FKBP1B: variants seen among roughly 807,000 people sequenced by gnomAD.
The protein encoded by FKBP1B is FKBP prolyl isomerase 1B.
Under a neutral mutation model 13.5 loss-of-function variants are expected in FKBP1B, and 4 were observed. The observed-to-expected ratio is 0.30, with a 90% confidence interval of 0.15 to 0.68. FKBP1B has a LOEUF of 0.68. Among genes scored for constraint, FKBP1B ranks in the 30% least tolerant of loss-of-function variants. The probability of loss-of-function intolerance (pLI) is 0.76; values close to 1 mark genes in which losing one functional copy is unlikely to be tolerated. For missense variants in FKBP1B, 93 were observed against 136.2 expected (o/e 0.68, Z 1.58); for synonymous variants, 54 against 53.6 (o/e 1.01, Z -0.03).
chr2:24,063,255 C>T lies in FKBP1B; in HGVS notation c.*63C>T. On this transcript the variant is annotated 3_prime_UTR_variant, in exon 4 of 4. Transcript: ENST00000380986. ...TGCTCACCCTCCTAGCCTGCTCTGC[C>T]ACTGGGACGGCTCCTGCTTTTGGGG... 2.0e-6 allele frequency: 3 copies of T among 1,465,938 alleles called. No homozygotes were observed. The highest frequency in any genetic ancestry group is 2.7e-6 in the Non-Finnish European group (3 of 1,098,570). 90.8% of individuals were successfully genotyped at this position (1,465,938 alleles called of 1,614,324 possible). A position where few individuals can be genotyped will look rare whatever the true frequency, so the allele number is the denominator to read the frequency against.
upstream of FKBP1B, among the ~76,000 whole-genome samples, chr2:24,049,001 A>G (rs1663724582): frequency 6.6e-6 from 1 of 152,090 alleles, no homozygotes; most frequent in Admixed American, 6.6e-5. Flanking sequence ...GTTTAGGGGT[A>G]TGGGGGAGAG....
the FKBP1B span, chr2:24,038,110 T>C: frequency 6.2e-7 from 1 of 1,614,246 alleles, no homozygotes; most frequent in Non-Finnish European, 8.5e-7. Flanking sequence ...TTCAATTAAC[T>C]TTTTTCTATT....
the FKBP1B span, chr2:24,038,611 G>A: frequency 6.2e-7 from 1 of 1,614,124 alleles, no homozygotes; most frequent in Non-Finnish European, 8.5e-7. Context: ...ATTACCCTCA[G>A]ACTTATGTTG....
intron 2 of FKBP1B, chr2:24,054,214 C>G: frequency 1.6e-6 from 1 of 642,164 alleles, no homozygotes; most frequent in Non-Finnish European, 2.9e-6. Flanking sequence ...ACCTTCAGTC[C>G]CCTTCCTTCT....
chr2:24,053,232 T>C (rs1396399961), intron 1 of FKBP1B, among the ~76,000 whole-genome samples: 1 of 152,016 alleles, frequency 6.6e-6, no homozygotes, highest in African/African-American at 2.4e-5. Flanking sequence ...CCACTTCAGC[T>C]TCTTCAGTAG....
upstream of FKBP1B, among the ~76,000 whole-genome samples, chr2:24,049,203 TA>T (rs1375140499): frequency 6.6e-6 from 1 of 151,844 alleles, no homozygotes; most frequent in African/African-American, 2.4e-5. Context: ...AAAATAAAAA[TA>T]AAAAATAAAA....
rs375006691 is a variant in FKBP1B, at chr2:24,060,900, A to G, written c.172A>G (p.Lys58Glu). The G allele has an allele frequency of 6.2e-7, 1 of 1,614,146 alleles. No individual in the cohort carries two copies. The highest frequency in any genetic ancestry group is 8.5e-7 in the Non-Finnish European group (1 of 1,179,968). Residue 58 changes from lysine (K) to glutamate (E), a missense_variant, in exon 3 of 4, where the codon AAA (lysine) becomes GAA (glutamate). Coordinates refer to ENST00000380986, the MANE Select transcript of FKBP1B (RefSeq NM_004116.5). ...KFRIGKQEVI[K>E]GFEEGAAQMS... ...CAGAATTGGCAAACAGGAAGTCATC[A>G]AAGGTTTTGAAGAGGGTGCAGCCCA...
rs369232652 is a variant in FKBP1B at position 24,063,074 on chromosome 2, G to A, written c.209G>A (p.Gly70Glu). 27 of 1,614,044 alleles carry A rather than the reference G, an allele frequency of 1.7e-5. No homozygotes were observed. The highest frequency in any genetic ancestry group is 2.1e-5 in the Non-Finnish European group (25 of 1,180,026). ...FEEGAAQMSL[G>E]QRAKLTCTPD... ...CCCCATCCCTGCTAGATGAGCTTGGGGCAGAGGGCGAAGCTGACCTGCACC... is the reference window on the plus strand; with the variant it reads ...CCCCATCCCTGCTAGATGAGCTTGGAGCAGAGGGCGAAGCTGACCTGCACC... The change falls in exon 4 of 4, where the codon GGG becomes GAG. Residue 70 changes from glycine to glutamate, a missense_variant. Coordinates refer to ENST00000380986, the MANE Select transcript of FKBP1B (RefSeq NM_004116.5).
chr2:24,037,801 G>C, the FKBP1B span: 1 of 1,614,238 alleles, frequency 6.2e-7, no homozygotes, highest in Non-Finnish European at 8.5e-7. Context: ...CAGGTTCCTA[G>C]ATAAAATTTC....
chr2:24,058,206 A>G (rs1298842142), intron 2 of FKBP1B, among the ~76,000 whole-genome samples: 1 of 151,738 alleles, frequency 6.6e-6, no homozygotes, highest in African/African-American at 2.4e-5. Flanking sequence ...GTCTCAGGAA[A>G]AAAAAAAAAA....
At chr2:24,045,481 G>A (rs1049657107), upstream of FKBP1B, among the ~76,000 whole-genome samples, 1 of 151,660 alleles carries the variant, frequency 6.6e-6, no homozygotes. Context: ...TGTGCCTGTA[G>A]TTCCAGCTAC....
chr2:24,062,905 G>A, intron 3 of FKBP1B, 159 bp from the exon 4 acceptor site: 5 of 1,095,692 alleles, frequency 4.6e-6, no homozygotes, highest in East Asian at 2.6e-5. Context: ...TGTTAAAGCT[G>A]TTAGCACGAT....
Position 24,050,133 on chromosome 2 carries a change from G to T in FKBP1B, c.37+247G>T, listed in dbSNP as rs993807749. Among the ~76,000 whole-genome samples the T allele has an allele frequency of 6.6e-6, 1 of 152,110 alleles. No homozygotes were observed. The highest frequency in any genetic ancestry group is 2.4e-5 in the African/African-American group (1 of 41,442). On this transcript the variant is annotated intron_variant, in intron 1 of 3. Coordinates refer to ENST00000380986, the MANE Select transcript of FKBP1B (RefSeq NM_004116.5). The surrounding 1 kb of genome is among the most constrained non-coding windows in gnomAD (Gnocchi z 5.8). ...GCGGGGGTCTGCGGCCCGGAGGCGG[G>T]GGTCTGCGGCCCGCCACCGCCCCGG... is the stretch of plus-strand genomic sequence containing the variant.
upstream of FKBP1B, among the ~76,000 whole-genome samples, chr2:24,046,666 AT>A (rs1489794319): frequency 6.6e-6 from 1 of 152,192 alleles, no homozygotes; most frequent in African/African-American, 2.4e-5. Context: ...AGTTTATTGT[AT>A]TTCCACTATA....
Position 24,063,141 on chromosome 2 carries a change from C to T in FKBP1B, c.276C>T (p.Ile92=). Residue 92 remains isoleucine (I), a synonymous_variant, in exon 4 of 4, where the codon ATC becomes ATT. Coordinates refer to ENST00000380986, the MANE Select transcript of FKBP1B (RefSeq NM_004116.5). The part of the protein sequence containing the change: ...AYGATGHPGV[I]PPNATLIFDV... ...GAGCCACGGGCCACCCCGGTGTCAT[C>T]CCTCCCAATGCCACCCTCATCTTTG... The T allele has an allele frequency of 6.2e-7, 1 of 1,613,102 alleles. No individual in the cohort carries two copies.
chr2:24,053,844 T>C (rs1663992345), intron 1 of FKBP1B, 58 bp from the exon 2 acceptor site: 1 of 1,506,082 alleles, frequency 6.6e-7, no homozygotes, highest in Non-Finnish European at 9.2e-7. Context: ...TCATACTTAA[T>C]GTCCCAGGTG....
At chr2:24,033,909 C>T in the FKBP1B span, among the ~76,000 whole-genome samples, 1 of 152,118 alleles carries the variant, frequency 6.6e-6, no homozygotes, top group African/African-American at 2.4e-5. Context: ...TAAAACTATA[C>T]ATCACTGTGG....
chr2:24,043,912 C>T, the FKBP1B span, among the ~76,000 whole-genome samples: 1 of 151,460 alleles, frequency 6.6e-6, no homozygotes, highest in Admixed American at 6.6e-5. Flanking sequence ...GTCTATTATG[C>T]TTTTATATAT....
chr2:24,058,548 C>T (rs887205466), intron 2 of FKBP1B, among the ~76,000 whole-genome samples: 1 of 152,152 alleles, frequency 6.6e-6, no homozygotes, highest in Non-Finnish European at 1.5e-5. Flanking sequence ...TAGATTAAGT[C>T]ACATGAAACC....
Sources: allele counts gnomAD v4.1 joint callset (sites outside exome capture counted in the v4.1 genomes callset), GRCh38; gene constraint gnomAD v4.1.1; non-coding constraint Gnocchi (gnomAD v3.1); transcripts MANE v1.5; gene names NCBI Gene and HGNC (gene_info 2026-07-23, HGNC 2026-07-21).